Variants in FRMD4B observed in about 807,000 individuals in gnomAD.
The protein encoded by FRMD4B is FERM domain containing 4B.
FRMD4B carries 74 observed loss-of-function variants against 141.5 expected under a neutral mutation model. The observed-to-expected ratio is 0.52, with a 90% CI of 0.43 to 0.63. The LOEUF is 0.63. Among genes scored for constraint, FRMD4B ranks in the 30% least tolerant of loss-of-function variants. The pLI, the probability that FRMD4B is intolerant of heterozygous loss-of-function variation, is 0.00. For missense variants in FRMD4B, 1,366 were observed against 1,253.4 expected (o/e 1.09, Z -1.36); for synonymous variants, 506 against 467.9 (o/e 1.08, Z -1.05).
intron 11 of FRMD4B, chr3:69,199,064 A>T (rs1260587641): frequency 1.4e-5 from 4 of 295,388 alleles, no homozygotes; most frequent in Non-Finnish European, 2.6e-5. Context: ...AGGTCAGGAG[A>T]TCGAGACCAT....
At chr3:69,368,929 G>A (rs1182155657) in intron 1 of FRMD4B, among the ~76,000 whole-genome samples, 2 of 152,130 alleles carry the variant, frequency 1.3e-5, no homozygotes, top group Non-Finnish European at 2.9e-5. Flanking sequence ...CCAAAGTGCC[G>A]GGATTAAAGG....
chr3:69,240,659 T>C (rs1021149796), intron 7 of FRMD4B, among the ~76,000 whole-genome samples: 1 of 152,196 alleles, frequency 6.6e-6, no homozygotes, highest in Admixed American at 6.6e-5. Flanking sequence ...TTAATCCTTC[T>C]TCCTGTATGT....
intron 1 of FRMD4B, among the ~76,000 whole-genome samples, chr3:69,537,037 T>C (rs1011380815): frequency 3.3e-5 from 5 of 152,208 alleles, no homozygotes; most frequent in African/African-American, 4.8e-5. Flanking sequence ...CATGAGCCAC[T>C]GCACCCCACC....
intron 1 of FRMD4B, chr3:69,471,754 C>A: frequency 1.3e-5 from 2 of 155,950 alleles, no homozygotes; most frequent in South Asian, 3.8e-4. Context: ...AAATTGTGGT[C>A]ATTTCACCAT....
At chr3:69,215,282 C>CTTTTTTTTTTTTTTTTTTTTTTTT (rs1559724064) in intron 11 of FRMD4B, among the ~76,000 whole-genome samples, 1 of 37,494 alleles carries the variant, frequency 2.7e-5, no homozygotes, top group South Asian at 8.3e-4. Context: ...GATTGTGACC[C>CTTTTTTTTTTTTTTTTTTTTTTTT]TCTTTTTTTT....
intron 1 of FRMD4B, among the ~76,000 whole-genome samples, chr3:69,534,756 C>T (rs1331408303): frequency 6.6e-6 from 1 of 152,092 alleles, no homozygotes; most frequent in Non-Finnish European, 1.5e-5. Flanking sequence ...GTCAGAATGA[C>T]CTGAAGTTAA....
chr3:69,246,057 G>A (rs150340747), intron 7 of FRMD4B, among the ~76,000 whole-genome samples: 3,481 of 151,980 alleles, frequency 0.023, 127 homozygotes, highest in African/African-American at 0.08. Context: ...GGCTGGTCTC[G>A]AATTCCCGAC....
intron 5 of FRMD4B, among the ~76,000 whole-genome samples, chr3:69,250,737 T>C (rs2093459471): frequency 1.3e-5 from 2 of 151,532 alleles, no homozygotes; most frequent in African/African-American, 4.8e-5. Context: ...TTTTTTTTTT[T>C]TTTTTTTATC....
intron 1 of FRMD4B, among the ~76,000 whole-genome samples, chr3:69,463,957 G>A (rs974557674): frequency 5.9e-5 from 9 of 152,180 alleles, no homozygotes; most frequent in African/African-American, 2.2e-4. Flanking sequence ...CCCACAGCAG[G>A]CAGGTTGCTG....
At chr3:69,405,779 G>A (rs1414535942) in intron 2 of FRMD4B, among the ~76,000 whole-genome samples, 1 of 152,164 alleles carries the variant, frequency 6.6e-6, no homozygotes, top group Non-Finnish European at 1.5e-5. Context: ...AATGAGCCAT[G>A]ATGACCTGCT....
intron 1 of FRMD4B, among the ~76,000 whole-genome samples, chr3:69,531,401 A>AT (rs1487017583): frequency 1.3e-5 from 2 of 152,086 alleles, no homozygotes; most frequent in Non-Finnish European, 2.9e-5. Context: ...CCAAGCAAAA[A>AT]AAAAGGAAAG....
intron 1 of FRMD4B, among the ~76,000 whole-genome samples, chr3:69,488,598 T>A (rs986089662): frequency 6.6e-6 from 1 of 152,060 alleles, no homozygotes; most frequent in Admixed American, 6.5e-5. Context: ...GGCATAGACC[T>A]AGCTATAAAA....
At position 69,496,636 on chromosome 3, in the gene FRMD4B, AAAGAGAG is replaced by A. The variant is rs1559545692; in HGVS notation, c.-129+45563_-129+45569del. Among the ~76,000 whole-genome samples, 855 of 118,044 alleles carry A rather than the reference AAAGAGAG, an allele frequency of 7.2e-3. 3 individuals are homozygous for A. Among genetic ancestry groups the A allele is most frequent in the African/African-American group, 0.027 (777 of 29,042 alleles). The allele number at this position is 118,044 out of a possible 152,430, so 77.4% of individuals were successfully genotyped here. ...GTGAGAGAGAGAGAGAGAGAGAGAG[AAAGAGAG>A]AGAGAGAGAGAGAGAGAGAGAGAGA... On this transcript the variant is annotated intron_variant, in intron 1 of 5. Coordinates refer to the FRMD4B transcript ENST00000459638.
rs113144302 is a variant in FRMD4B at position 69,393,454 on chromosome 3, T to C, written c.-1+39180A>G. On this transcript the variant is annotated intron_variant, in intron 2 of 5. Transcript: ENST00000459638. ...AAATTTTAGAAGTTATCTGTCTAGA[T>C]GTAAAAGCATCCAAATGGGAGGATG... is the stretch of plus-strand genomic sequence containing the variant. Among the ~76,000 whole-genome samples, 332 of 152,272 alleles carry C rather than the reference T, an allele frequency of 2.2e-3. 1 individual carries two copies. Among genetic ancestry groups the C allele is most frequent in the African/African-American group, 7.5e-3 (310 of 41,564 alleles).
chr3:69,328,045 A>C (rs1702241648), intron 1 of FRMD4B, among the ~76,000 whole-genome samples: 1 of 152,220 alleles, frequency 6.6e-6, no homozygotes, highest in Non-Finnish European at 1.5e-5. Flanking sequence ...TAAGAAAAAA[A>C]AGATTTATTG....
At chr3:69,205,555 T>C (rs1220061552) in intron 11 of FRMD4B, among the ~76,000 whole-genome samples, 1 of 152,102 alleles carries the variant, frequency 6.6e-6, no homozygotes, top group African/African-American at 2.4e-5. Flanking sequence ...GTGGTGATTT[T>C]TGCACCCCTC....
intron 1 of FRMD4B, among the ~76,000 whole-genome samples, chr3:69,316,394 A>T (rs1268500633): frequency 6.6e-6 from 1 of 152,166 alleles, no homozygotes; most frequent in Non-Finnish European, 1.5e-5. Flanking sequence ...ACATGGCAAC[A>T]TCCCCATTTT....
intron 1 of FRMD4B, among the ~76,000 whole-genome samples, chr3:69,486,595 A>C (rs1706219962): frequency 1.3e-5 from 2 of 152,200 alleles, no homozygotes; most frequent in African/African-American, 4.8e-5. Flanking sequence ...TGGAGTGAGC[A>C]GAAGGGGATT....
At chr3:69,349,782 T>C (rs564118020) in intron 1 of FRMD4B, among the ~76,000 whole-genome samples, 8 of 152,308 alleles carry the variant, frequency 5.3e-5, no homozygotes, top group African/African-American at 1.9e-4. Flanking sequence ...TGTAGAAAGC[T>C]GAAATTGGAT....
Sources: allele counts gnomAD v4.1 joint callset (sites outside exome capture counted in the v4.1 genomes callset), GRCh38; gene constraint gnomAD v4.1.1; transcripts MANE v1.5; gene names NCBI Gene and HGNC (gene_info 2026-07-23, HGNC 2026-07-21).